IRS2: variants seen among roughly 807,000 people sequenced by gnomAD.
IRS2 encodes the protein insulin receptor substrate 2.
Under a neutral mutation model 70.9 loss-of-function variants are expected in IRS2, and 28 were observed. That is an observed-to-expected ratio of 0.39 (90% CI 0.29 to 0.54). The LOEUF (loss-of-function observed/expected upper bound fraction) is 0.54. Ranked by LOEUF, IRS2 falls within the 20% of genes least tolerant of loss-of-function variation. IRS2 has a pLI of 0.59. For synonymous variants in IRS2, 1,217 were observed against 981.9 expected (o/e 1.24, Z -4.48); for missense variants, 2,081 against 2,024.1 (o/e 1.03, Z -0.54).
In IRS2 at chr13:109,783,884, C is replaced by T. The variant is rs902033010; in HGVS notation, c.2170G>A (p.Gly724Arg). ...SAAGRTFPAS[G>R]GGYKASSPAE... ...GGCGAGCTGGCCTTGTAGCCGCCCCCGCTCGCCGGGAATGTCCTGCCCGCC... is the reference window on the plus strand; with the variant it reads ...GGCGAGCTGGCCTTGTAGCCGCCCCTGCTCGCCGGGAATGTCCTGCCCGCC... The change falls in exon 1 of 2, where the codon GGG becomes AGG. Residue 724 changes from glycine to arginine, a missense_variant. Gly to Arg is a moderately radical substitution (Grantham distance 125, BLOSUM62 -2). This residue lies in a region of IRS2 where 1,615 missense variants were observed against 1,459.5 expected (regional missense o/e 1.11). Transcript: ENST00000375856. The T allele has an allele frequency of 1.9e-5, 29 of 1,549,534 alleles. No individual in the cohort carries two copies. Among genetic ancestry groups the T allele is most frequent in the South Asian group, 3.6e-5 (3 of 84,334 alleles).
chr13:109,754,265 C>T lies in IRS2; in HGVS notation c.*2039G>A, dbSNP rs1877056041. 4.4e-6 allele frequency: 1 copy of T among 229,256 alleles called. No homozygotes were observed. Among genetic ancestry groups the T allele is most frequent in the Non-Finnish European group, 8.7e-6 (1 of 115,490 alleles). 14.2% of individuals were successfully genotyped at this position (229,256 alleles called of 1,614,324 possible). A position where few individuals can be genotyped will look rare whatever the true frequency, so the allele number is the denominator to read the frequency against. ...TTAAAAATGTAAATATTGCATATGC[C>T]TTTTTGTGAAATGTACAGGATAGAG... On this transcript the variant is annotated 3_prime_UTR_variant, in exon 2 of 2. Transcript: ENST00000375856.
chr13:109,773,935 TTGA>T (rs1308418316), intron 1 of IRS2, among the ~76,000 whole-genome samples: 1 of 152,248 alleles, frequency 6.6e-6, no homozygotes, highest in African/African-American at 2.4e-5. Flanking sequence ...CTACTCTTTC[TTGA>T]TGATATCTAC....
rs1276051050 is a variant in IRS2 at position 109,782,918 on chromosome 13, G to A, written c.3136C>T (p.Pro1046Ser). Residue 1046 changes from proline (P) to serine (S), a missense_variant, in exon 1 of 2, where the codon CCC (proline) becomes TCC (serine). This residue lies in a region of IRS2 where 1,615 missense variants were observed against 1,459.5 expected (regional missense o/e 1.11). Transcript: ENST00000375856. ...TGGGCGGTGGCAACGGCCGAGGCGGGGGGCAGGCGGTACAGCTCCCCCGGG... is the reference window on the plus strand; with the variant it reads ...TGGGCGGTGGCAACGGCCGAGGCGGAGGGCAGGCGGTACAGCTCCCCCGGG... The part of the protein sequence containing the change: ...PAPGELYRLP[P>S]ASAVATAQGP... 5 of 1,543,750 alleles carry A rather than the reference G, an allele frequency of 3.2e-6. No homozygotes were observed. The highest frequency in any genetic ancestry group is 4.4e-6 in the Non-Finnish European group (5 of 1,143,654).
chr13:109,783,245 G>A lies in IRS2; in HGVS notation c.2809C>T (p.Pro937Ser). ...PGARLSPPAP[P>S]LLASAASSSS... ...GACGAGGCCGCCGACGCCAGCAGGG[G>A]AGGCGCGGGCGGCGACAGGCGGGCC... The change falls in exon 1 of 2, where the codon CCC becomes TCC. Residue 937 changes from proline to serine, a missense_variant. Coordinates refer to ENST00000375856, the MANE Select transcript of IRS2 (RefSeq NM_003749.3). 2 of 1,471,816 alleles carry A rather than the reference G, an allele frequency of 1.4e-6. No individual in the cohort carries two copies. The highest frequency in any genetic ancestry group is 1.8e-6 in the Non-Finnish European group (2 of 1,115,964). The allele number at this position is 1,471,816 out of a possible 1,614,324, so 91.2% of individuals were successfully genotyped here.
rs1178312245 is a variant in IRS2, at chr13:109,783,950, C to A, written c.2104G>T (p.Val702Leu). The A allele has an allele frequency of 1.4e-6, 2 of 1,461,690 alleles. No homozygotes were observed. The highest frequency in any genetic ancestry group is 2.7e-5 in the East Asian group (1 of 37,620). 90.5% of individuals were successfully genotyped at this position (1,461,690 alleles called of 1,614,324 possible). A position where few individuals can be genotyped will look rare whatever the true frequency, so the allele number is the denominator to read the frequency against. ...PRAAAAAAAA[V>L]PSAGPAGPAP... ...GGCCCCGCAGGCCCCGCAGAAGGCA[C>A]GGCGGCGGCGGCGGCGGCGGCGGCC... Residue 702 changes from valine (V) to leucine (L), a missense_variant, in exon 1 of 2, where the codon GTG (valine) becomes TTG (leucine). Val to Leu is a conservative substitution (Grantham distance 32). Coordinates refer to ENST00000375856, the MANE Select transcript of IRS2 (RefSeq NM_003749.3).
intron 1 of IRS2, among the ~76,000 whole-genome samples, chr13:109,773,123 A>G (rs989043421): frequency 6.9e-4 from 105 of 152,242 alleles, no homozygotes; most frequent in Non-Finnish European, 8.1e-4. Flanking sequence ...GTGAAATTAA[A>G]TTTGTATGAA....
chr13:109,782,092 G>A lies in IRS2; in HGVS notation c.3962C>T (p.Ala1321Val), dbSNP rs1566411802. 3.1e-6 allele frequency: 5 copies of A among 1,612,494 alleles called. No individual in the cohort carries two copies. The highest frequency in any genetic ancestry group is 4.2e-6 in the Non-Finnish European group (5 of 1,179,846). The part of the protein sequence containing the change: ...PGALPPANTY[A>V]SIDFLSHHLK... ...GTGGTGGGACAAGAAGTCAATGCTG[G>A]CGTAGGTGTTGGCAGGGGGCAGGGC... is the stretch of plus-strand genomic sequence containing the variant. The change falls in exon 1 of 2, where the codon GCC becomes GTC. Residue 1321 changes from alanine to valine, a missense_variant. Physicochemically the swap from Ala to Val is moderately conservative, Grantham distance 64. Coordinates refer to ENST00000375856, the MANE Select transcript of IRS2 (RefSeq NM_003749.3).
intron 1 of IRS2, among the ~76,000 whole-genome samples, chr13:109,760,410 T>C (rs941103870): frequency 5.2e-5 from 8 of 152,382 alleles, no homozygotes; most frequent in Admixed American, 2.0e-4. Flanking sequence ...CATTACACAC[T>C]GTACTACTCT....
At chr13:109,775,427 A>G (rs962043315) in intron 1 of IRS2, among the ~76,000 whole-genome samples, 6 of 152,148 alleles carry the variant, frequency 3.9e-5, no homozygotes, top group African/African-American at 1.4e-4. Context: ...CCAAGAATGA[A>G]TCATTCTTAA....
intron 1 of IRS2, among the ~76,000 whole-genome samples, chr13:109,780,671 C>A (rs190035324): frequency 1.8e-4 from 27 of 152,326 alleles, no homozygotes; most frequent in Admixed American, 5.9e-4. Context: ...GGCTGTGAAT[C>A]TCCAGCCCAC....
Position 109,785,569 on chromosome 13 carries a change from G to A in IRS2, c.485C>T (p.Ser162Phe). 3.0e-6 allele frequency: 4 copies of A among 1,315,820 alleles called. No homozygotes were observed. In the South Asian group the frequency reaches 8.9e-5, roughly 29 times the overall value. The allele number at this position is 1,315,820 out of a possible 1,614,324, so 81.5% of individuals were successfully genotyped here. A position where few individuals can be genotyped will look rare whatever the true frequency, so the allele number is the denominator to read the frequency against. ...GGCGCCGGGCAGGGAGGCGCTGCAG[G>A]ACGCGGCGGGCGCGGCGGCGGGGGG... ...DAPPAAAPAA[S>F]CSASLPGALG... Residue 162 changes from serine to phenylalanine, a missense_variant, in exon 1 of 2, where the codon TCC becomes TTC. Coordinates refer to ENST00000375856, the MANE Select transcript of IRS2 (RefSeq NM_003749.3). The surrounding 1 kb of genome is among the most constrained non-coding windows in gnomAD (Gnocchi z 9.3).
rs1044364 is a variant in IRS2 at position 109,755,299 on chromosome 13, T to C, written c.*1005A>G. On this transcript the variant is annotated 3_prime_UTR_variant, in exon 2 of 2. Coordinates refer to ENST00000375856, the MANE Select transcript of IRS2 (RefSeq NM_003749.3). ...CATTTTATTAAAGATAATACGTTTT[T>C]TAAAAATCAAATCTGCCAAACCCGG... 17,336 of 227,974 alleles carry C rather than the reference T, an allele frequency of 0.076. 1,006 individuals carry two copies. The highest frequency in any genetic ancestry group is 0.17 in the African/African-American group (7,778 of 44,778). The allele number at this position is 227,974 out of a possible 1,614,324, so 14.1% of individuals were successfully genotyped here.
intron 1 of IRS2, among the ~76,000 whole-genome samples, chr13:109,764,594 A>C (rs1247041560): frequency 6.6e-6 from 1 of 152,206 alleles, no homozygotes; most frequent in Non-Finnish European, 1.5e-5. Context: ...TATACATGTA[A>C]CCACATGCTG....
Position 109,785,468 on chromosome 13 carries a change from C to T in IRS2, c.586G>A (p.Glu196Lys). 6.2e-7 allele frequency: 1 copy of T among 1,612,134 alleles called. No homozygotes were observed. The stretch of plus-strand genomic sequence containing the variant: ...GGCTTCAGGTTCACCTGCCACACCT[C>T]ACGGTAGGCGGCCGTGGCGGGAGCC... ...LVAPATAAYR[E>K]VWQVNLKPKG... Residue 196 changes from glutamate to lysine, a missense_variant, in exon 1 of 2, where the codon GAG becomes AAG. Transcript: ENST00000375856. This position sits in a 1 kb window ranked among gnomAD's most constrained non-coding sequence, Gnocchi z 9.3.
rs1398081220 is a variant in IRS2 at position 109,783,043 on chromosome 13, C to T, written c.3011G>A (p.Gly1004Asp). 3 of 1,367,516 alleles carry T rather than the reference C, an allele frequency of 2.2e-6. No individual in the cohort carries two copies. The highest frequency in any genetic ancestry group is 1.8e-5 in the South Asian group (1 of 56,588). The allele number at this position is 1,367,516 out of a possible 1,614,324, so 84.7% of individuals were successfully genotyped here. ...PSGHPVGSLD[G>D]LLSPEASSPY... ...GGAGGAGGCCTCGGGGGACAGGAGGCCGTCCAAGGAGCCCACGGGGTGGCC... is the reference window on the plus strand; with the variant it reads ...GGAGGAGGCCTCGGGGGACAGGAGGTCGTCCAAGGAGCCCACGGGGTGGCC... Residue 1004 changes from glycine to aspartate, a missense_variant, in exon 1 of 2, where the codon GGC becomes GAC. Gly to Asp is a moderately conservative substitution (Grantham distance 94). Coordinates refer to ENST00000375856, the MANE Select transcript of IRS2 (RefSeq NM_003749.3).
chr13:109,759,417 C>T (rs72667742), intron 1 of IRS2, among the ~76,000 whole-genome samples: 3 of 152,078 alleles, frequency 2.0e-5, no homozygotes, highest in Non-Finnish European at 4.4e-5. Flanking sequence ...CAATCCTTTG[C>T]GGAGGTGCAA....
intron 1 of IRS2, among the ~76,000 whole-genome samples, chr13:109,772,191 G>A (rs1877466515): frequency 6.6e-6 from 1 of 152,230 alleles, no homozygotes; most frequent in African/African-American, 2.4e-5. Flanking sequence ...GGGAATTCAC[G>A]TGGTCAGATG....
chr13:109,774,354 T>C (rs1166987550), intron 1 of IRS2, among the ~76,000 whole-genome samples: 1 of 152,112 alleles, frequency 6.6e-6, no homozygotes, highest in African/African-American at 2.4e-5. Context: ...GAAAATAGTA[T>C]CAAATACTAA....
rs1271541675 is a variant in IRS2, at chr13:109,762,694, C to T, written c.4013-6386G>A. ...TCTTCCTTGCCAGCTGATGCCCAGG[C>T]CCTGCCTTCTCACCTCCCTGTCCCC... On this transcript the variant is annotated intron_variant, in intron 1 of 1. Coordinates refer to ENST00000375856, the MANE Select transcript of IRS2 (RefSeq NM_003749.3). Among the ~76,000 whole-genome samples the T allele has an allele frequency of 2.0e-5, 3 of 152,174 alleles. 1 individual carries two copies. Among genetic ancestry groups the T allele is most frequent in the Admixed American group, 6.5e-5 (1 of 15,284 alleles).
Sources: gnomAD v4.1 joint callset for allele counts (sites outside exome capture counted in the v4.1 genomes callset) on GRCh38, gnomAD v4.1.1 for gene constraint, gnomAD v4.1.1 regional missense constraint, Gnocchi (gnomAD v3.1) non-coding constraint, MANE v1.5 for transcripts, NCBI Gene and HGNC (gene_info 2026-07-23, HGNC 2026-07-21) for gene names.